Variants in GOLGA4 observed in about 807,000 individuals in gnomAD.
The protein encoded by GOLGA4 is golgin A4.
GOLGA4 carries 169 observed loss-of-function variants against 265.9 expected under a neutral mutation model. That is an observed-to-expected ratio of 0.64 (90% CI 0.56 to 0.72). GOLGA4 has a LOEUF of 0.72. Among genes scored for constraint, GOLGA4 ranks in the 30% least tolerant of loss-of-function variants. The pLI is 0.00. For synonymous variants in GOLGA4, 923 were observed against 855.8 expected (o/e 1.08, Z -1.37); for missense variants, 2,482 against 2,483.4 (o/e 1.00, Z 0.01).
At chr3:37,290,005 T>G (rs1169040906) in intron 5 of GOLGA4, among the ~76,000 whole-genome samples, 1 of 152,228 alleles carries the variant, frequency 6.6e-6, no homozygotes, top group Non-Finnish European at 1.5e-5. Flanking sequence ...GTTAATTTAT[T>G]AACAAAACTA....
chr3:37,339,157 C>T (rs192812850), intron 19 of GOLGA4, among the ~76,000 whole-genome samples: 7 of 152,248 alleles, frequency 4.6e-5, no homozygotes, highest in East Asian at 3.9e-4. Context: ...CCACCGTGCC[C>T]GGCCTGTGTC....
At chr3:37,289,361 C>T in intron 5 of GOLGA4, 70 bp downstream of exon 5, 1 of 975,404 alleles carries the variant, frequency 1.0e-6, no homozygotes, top group Admixed American at 2.1e-5. Flanking sequence ...GTTGTATGTG[C>T]TAGGGTAGTT....
chr3:37,348,922 T>G (rs188992565), intron 21 of GOLGA4, among the ~76,000 whole-genome samples: 1 of 152,244 alleles, frequency 6.6e-6, no homozygotes, highest in Non-Finnish European at 1.5e-5. Context: ...AGCTTGTGCT[T>G]CAGGGCTCTG....
At chr3:37,356,290 C>CT (rs988848771) in intron 22 of GOLGA4, among the ~76,000 whole-genome samples, 5 of 152,230 alleles carry the variant, frequency 3.3e-5, no homozygotes, top group African/African-American at 1.2e-4. Flanking sequence ...AAGGTCAGCC[C>CT]TGAAGGGACC....
At chr3:37,347,485 C>T (rs1316803301) in intron 21 of GOLGA4, among the ~76,000 whole-genome samples, 189 bp downstream of exon 21, 1 of 152,142 alleles carries the variant, frequency 6.6e-6, no homozygotes, top group Non-Finnish European at 1.5e-5. Context: ...ATATTTATTA[C>T]ATTTATAAAA....
chr3:37,286,086 C>A, intron 4 of GOLGA4, 25 bp downstream of exon 4: 1 of 1,144,370 alleles, frequency 8.7e-7, no homozygotes, highest in Non-Finnish European at 1.3e-6. Flanking sequence ...AACTGCATTA[C>A]TGAGTCATAA....
At position 37,321,884 on chromosome 3, in the gene GOLGA4, A is replaced by T; in HGVS notation, c.1699A>T (p.Thr567Ser). ...DLQQEAETYRTRILELESSLE... is the reference protein window; with the variant it reads ...DLQQEAETYRSRILELESSLE... ...TCAGCAAGAAGCAGAGACTTACAGA[A>T]CTGTAAGTTTTAATAATATTCAGAT... The change falls in exon 13 of 24, where the codon ACT (threonine) becomes TCT (serine). Residue 567 changes from threonine to serine, a missense_variant and splice_region_variant. This residue lies in a region of GOLGA4 where 1,536 missense variants were observed against 1,483.7 expected (regional missense o/e 1.04). Coordinates refer to ENST00000361924, the MANE Select transcript of GOLGA4 (RefSeq NM_002078.5). The T allele has an allele frequency of 6.3e-7, 1 of 1,589,580 alleles. No homozygotes were observed. Among genetic ancestry groups the T allele is most frequent in the Non-Finnish European group, 8.5e-7 (1 of 1,171,572 alleles).
At chr3:37,268,075 TTTTA>T (rs147604366) in intron 2 of GOLGA4, among the ~76,000 whole-genome samples, 5,825 of 152,102 alleles carry the variant, frequency 0.038, 141 homozygotes, top group African/African-American at 0.056. Flanking sequence ...TGTTTACTGT[TTTTA>T]TTTATTTATT....
At chr3:37,301,568 A>G (rs2096892674) in intron 9 of GOLGA4, among the ~76,000 whole-genome samples, 1 of 152,356 alleles carries the variant, frequency 6.6e-6, no homozygotes, top group Admixed American at 6.5e-5. Context: ...ACTAAGACAG[A>G]TAGCACATTT....
intron 9 of GOLGA4, among the ~76,000 whole-genome samples, chr3:37,300,933 A>C (rs2096891065): frequency 6.6e-6 from 1 of 151,996 alleles, no homozygotes; most frequent in Non-Finnish European, 1.5e-5. Context: ...TACTGGTTTG[A>C]TTATCTTCTC....
chr3:37,260,316 TG>T (rs2096766049), intron 2 of GOLGA4, among the ~76,000 whole-genome samples: 1 of 152,066 alleles, frequency 6.6e-6, no homozygotes, highest in Non-Finnish European at 1.5e-5. Flanking sequence ...TAACAGTATC[TG>T]GGAAGATAGA....
At position 37,321,785 on chromosome 3, in the gene GOLGA4, TC is replaced by T; in HGVS notation, c.1601del (p.Ser534PhefsTer4). On this transcript the variant is annotated frameshift_variant, in exon 13 of 24. Coordinates refer to ENST00000361924, the MANE Select transcript of GOLGA4 (RefSeq NM_002078.5). LOFTEE classifies it high-confidence loss of function. The part of the protein sequence containing the change: ...KISQEKEQQE[S>X]LALEELELQK... The stretch of plus-strand genomic sequence containing the variant: ...CAGCCAAGAAAAAGAACAGCAAGAA[TC>T]TTTGGCCCTAGAAGAGTTAGAGTTG... 4 of 1,612,764 alleles carry T rather than the reference TC, an allele frequency of 2.5e-6. No individual in the cohort carries two copies. Among genetic ancestry groups the T allele is most frequent in the Non-Finnish European group, 3.4e-6 (4 of 1,179,514 alleles).
chr3:37,329,176 ATG>A, intron 16 of GOLGA4, 83 bp downstream of exon 16: 1 of 1,223,258 alleles, frequency 8.2e-7, no homozygotes, highest in South Asian at 1.6e-5. Context: ...TCCTTTTCAA[ATG>A]TGTTTTTTGA....
intron 1 of GOLGA4, chr3:37,250,021 A>G (rs1387001668): frequency 1.3e-5 from 2 of 152,234 alleles, no homozygotes; most frequent in Non-Finnish European, 2.9e-5. Flanking sequence ...TGTTTCATTG[A>G]TGGAGCTCAG....
intron 1 of GOLGA4, among the ~76,000 whole-genome samples, chr3:37,246,074 G>A (rs2096718721): frequency 6.6e-6 from 1 of 152,128 alleles, no homozygotes; most frequent in African/African-American, 2.4e-5. Context: ...TTTCTGGCCT[G>A]GCACCGTGGC....
chr3:37,329,345 T>C (rs1578734188), intron 16 of GOLGA4: 1 of 259,230 alleles, frequency 3.9e-6, no homozygotes, highest in Middle Eastern at 1.2e-3. Context: ...GAAGCAACAG[T>C]AGATACTAAA....
At chr3:37,307,836 A>G (rs2096911146) in intron 10 of GOLGA4, among the ~76,000 whole-genome samples, 2 of 152,192 alleles carry the variant, frequency 1.3e-5, no homozygotes, top group Non-Finnish European at 2.9e-5. Flanking sequence ...GTGCGGGATT[A>G]TATTTCTAAT....
intron 2 of GOLGA4, among the ~76,000 whole-genome samples, chr3:37,280,118 C>A (rs938068841): frequency 3.3e-5 from 5 of 152,150 alleles, no homozygotes; most frequent in Non-Finnish European, 7.3e-5. Context: ...ACAGCTATTA[C>A]AGATATTCTG....
intron 21 of GOLGA4, among the ~76,000 whole-genome samples, chr3:37,351,484 A>G (rs374526568): frequency 6.6e-6 from 1 of 152,176 alleles, no homozygotes. Context: ...CATCTCGAAC[A>G]GGGAATCCTT....
Sources: gnomAD v4.1 joint callset for allele counts (sites outside exome capture counted in the v4.1 genomes callset) on GRCh38, gnomAD v4.1.1 for gene constraint, gnomAD v4.1.1 regional missense constraint, MANE v1.5 for transcripts, NCBI Gene and HGNC (gene_info 2026-07-23, HGNC 2026-07-21) for gene names.